Variants in ANKRD28 observed in about 807,000 individuals in gnomAD.
ANKRD28 encodes ankyrin repeat domain 28.
In ANKRD28, 44 loss-of-function variants were observed where a neutral mutation model predicts 126.5. The ratio of observed to expected loss-of-function variants is 0.35; its 90% CI spans 0.27 to 0.45. The LOEUF (loss-of-function observed/expected upper bound fraction) is 0.45. ANKRD28 is among the 20% of genes least tolerant of loss of function. ANKRD28 has a pLI of 1.00. For missense variants in ANKRD28, 1,110 were observed against 1,316.6 expected (o/e 0.84, Z 2.43); for synonymous variants, 442 against 468.5 (o/e 0.94, Z 0.73).
rs1440887950 is a variant in ANKRD28, at chr3:15,678,467, A to G, written c.2562-113T>C. ...TTAAGGGTTTACATATTAGGCTACA[A>G]AAGCACTGCCTGTACACAAACAAAT... On this transcript the variant is annotated intron_variant, in intron 23 of 27. Transcript: ENST00000683139. 7.4e-6 allele frequency: 7 copies of G among 950,022 alleles called. No individual in the cohort carries two copies. The East Asian group carries it at 1.6e-4, about 22-fold the overall frequency. 58.8% of individuals were successfully genotyped at this position (950,022 alleles called of 1,614,324 possible).
chr3:15,836,996 A>G (rs970554854), intron 1 of ANKRD28, among the ~76,000 whole-genome samples: 8 of 150,780 alleles, frequency 5.3e-5, no homozygotes, highest in African/African-American at 1.9e-4. Context: ...GCTACTTGGG[A>G]GGCTGAGGCA....
At chr3:15,852,616 G>A (rs941967497) in intron 1 of ANKRD28, among the ~76,000 whole-genome samples, 3 of 151,880 alleles carry the variant, frequency 2.0e-5, no homozygotes, top group East Asian at 1.9e-4. Flanking sequence ...GGCGGATCAC[G>A]AGGTCAGGAG....
At chr3:15,762,224 A>AAAAAAAAAAAAAAAAAAAAAAC (rs2058521761) in intron 3 of ANKRD28, among the ~76,000 whole-genome samples, 1 of 107,650 alleles carries the variant, frequency 9.3e-6, no homozygotes, top group African/African-American at 3.4e-5. Context: ...CAAAACAAAA[A>AAAAAAAAAAAAAAAAAAAAAAC]AAAAAAAACT....
chr3:15,777,918 C>T (rs1023350573), intron 2 of ANKRD28, among the ~76,000 whole-genome samples: 11 of 145,974 alleles, frequency 7.5e-5, no homozygotes, highest in Non-Finnish European at 1.2e-4. Context: ...TCCGCCCTAG[C>T]CCCGTCAATA....
chr3:15,824,408 G>A (rs1326216065), intron 1 of ANKRD28, among the ~76,000 whole-genome samples: 1 of 151,986 alleles, frequency 6.6e-6, no homozygotes, highest in Non-Finnish European at 1.5e-5. Context: ...TGCCTGCCTC[G>A]GCCTCCCATA....
chr3:15,694,371 G>A (rs1425773005), intron 17 of ANKRD28, among the ~76,000 whole-genome samples: 2 of 152,136 alleles, frequency 1.3e-5, no homozygotes, highest in Non-Finnish European at 2.9e-5. Context: ...CACAGAATGT[G>A]TGTGTATACC....
chr3:15,787,274 G>C (rs1451697816), intron 2 of ANKRD28, among the ~76,000 whole-genome samples: 2 of 152,120 alleles, frequency 1.3e-5, no homozygotes, highest in Middle Eastern at 3.2e-3. Context: ...GGTTCCAGTG[G>C]ATAATACCTT....
At position 15,797,569 on chromosome 3, in the gene ANKRD28, A is replaced by AGG. The variant is rs796262225; in HGVS notation, c.-1050_-1049dup. 75 of 981,118 alleles carry AGG rather than the reference A, an allele frequency of 7.6e-5. No individual in the cohort carries two copies. Among genetic ancestry groups the AGG allele is most frequent in the Admixed American group, 1.9e-4 (3 of 16,050 alleles). The allele number at this position is 981,118 out of a possible 1,614,324, so 60.8% of individuals were successfully genotyped here. A position where few individuals can be genotyped will look rare whatever the true frequency, so the allele number is the denominator to read the frequency against. On this transcript the variant is annotated 5_prime_UTR_variant, in exon 1 of 28. It removes the in-frame stop codon of an upstream open reading frame in the 5' UTR. Transcript: ENST00000683139. Reference sequence around the variant, plus strand: ...CTTTTTGTTTTCTTTAAAAAAAAAAAGGGGGGGGAAAAACATAGTAGTGTA... The same window carrying AGG: ...CTTTTTGTTTTCTTTAAAAAAAAAAAGGGGGGGGGGAAAAACATAGTAGTGTA...
rs550701576 is a variant in ANKRD28, at chr3:15,706,602, C to A, written c.1547+1322G>T. 1.6e-4 allele frequency among the ~76,000 whole-genome samples: 24 copies of A among 152,190 alleles called. No individual in the cohort carries two copies. In the East Asian group the frequency reaches 4.6e-3, roughly 29 times the overall value. On this transcript the variant is annotated intron_variant, in intron 14 of 27. Coordinates refer to ENST00000683139, the MANE Select transcript of ANKRD28 (RefSeq NM_001349278.2). ...TGATTTATAATCCTTTGGGTATATA[C>A]CCAGTAATGGGATGGCTGGGTCAAA...
At chr3:15,713,494 G>A (rs1360596536) in intron 10 of ANKRD28, 33 bp downstream of exon 10, 1 of 1,535,652 alleles carries the variant, frequency 6.5e-7, no homozygotes, top group Non-Finnish European at 8.9e-7. Flanking sequence ...GTGCTTGCCT[G>A]TATCAGTTAT....
At position 15,713,418 on chromosome 3, in the gene ANKRD28, C is replaced by A. The variant is rs2072588576; in HGVS notation, c.1190+109G>T. 4 of 798,754 alleles carry A rather than the reference C, an allele frequency of 5.0e-6. No homozygotes were observed. In the Admixed American group the frequency reaches 8.4e-5, roughly 17 times the overall value. 49.5% of individuals were successfully genotyped at this position (798,754 alleles called of 1,614,324 possible). On this transcript the variant is annotated intron_variant, in intron 10 of 27. Coordinates refer to ENST00000683139, the MANE Select transcript of ANKRD28 (RefSeq NM_001349278.2). ...CAAAAGAAAGTTCAAGCAATTAATACAACATTGAGGATAAAATCCACATTT... is the reference window on the plus strand; with the variant it reads ...CAAAAGAAAGTTCAAGCAATTAATAAAACATTGAGGATAAAATCCACATTT...
rs1194347494 is a variant in ANKRD28, at chr3:15,735,464, T to C, written c.586A>G (p.Ile196Val). 12 of 1,559,596 alleles carry C rather than the reference T, an allele frequency of 7.7e-6. No homozygotes were observed. Among genetic ancestry groups the C allele is most frequent in the African/African-American group, 1.4e-5 (1 of 73,602 alleles). ...CTATCTTTCTTGTCAAAAGCATTAA[T>C]ATTGGCACCTCTAGACAAGAGTAGT... The part of the protein sequence containing the change: ...VKLLLSRGAN[I>V]NAFDKKDRRA... Residue 196 changes from isoleucine (I) to valine (V), a missense_variant, in exon 6 of 28, where the codon ATT (isoleucine) becomes GTT (valine). Physicochemically the swap from Ile to Val is conservative, Grantham distance 29. Transcript: ENST00000683139.
intron 2 of ANKRD28, among the ~76,000 whole-genome samples, chr3:15,775,766 C>A (rs2059234959): frequency 1.3e-5 from 2 of 152,194 alleles, no homozygotes; most frequent in South Asian, 2.1e-4. Flanking sequence ...GGGTGCACCA[C>A]CCTCCAGGAA....
intron 1 of ANKRD28, among the ~76,000 whole-genome samples, chr3:15,851,246 T>C (rs910137735): frequency 1.3e-5 from 2 of 152,072 alleles, no homozygotes; most frequent in Non-Finnish European, 2.9e-5. Context: ...AAGATACTAC[T>C]TCATGACTGG....
chr3:15,756,900 A>G (rs1319801180), intron 3 of ANKRD28, among the ~76,000 whole-genome samples: 1 of 152,156 alleles, frequency 6.6e-6, no homozygotes, highest in Non-Finnish European at 1.5e-5. Context: ...TGGTCACTAA[A>G]TTCTTCCAAT....
At chr3:15,763,480 G>A (rs749339960) in intron 3 of ANKRD28, among the ~76,000 whole-genome samples, 22 of 152,174 alleles carry the variant, frequency 1.4e-4, no homozygotes, top group Non-Finnish European at 2.9e-4. Flanking sequence ...CATTCTGGAG[G>A]AGATAAAACG....
chr3:15,680,021 G>A (rs2067372484), intron 21 of ANKRD28, among the ~76,000 whole-genome samples: 1 of 151,988 alleles, frequency 6.6e-6, no homozygotes, highest in Non-Finnish European at 1.5e-5. Flanking sequence ...TTTCTATAAG[G>A]GACTTGAGCG....
chr3:15,820,524 T>C (rs1380436464), intron 1 of ANKRD28, among the ~76,000 whole-genome samples: 1 of 152,188 alleles, frequency 6.6e-6, no homozygotes, highest in Non-Finnish European at 1.5e-5. Context: ...GGGAACGTAG[T>C]AGAGAAAGAG....
At chr3:15,723,547 C>T (rs1465613932) in intron 7 of ANKRD28, among the ~76,000 whole-genome samples, 1 of 152,110 alleles carries the variant, frequency 6.6e-6, no homozygotes, top group Non-Finnish European at 1.5e-5. Context: ...AATTCCAGCA[C>T]TTTGGGAGAC....
Sources: gnomAD v4.1 joint callset for allele counts (sites outside exome capture counted in the v4.1 genomes callset) on GRCh38, gnomAD v4.1.1 for gene constraint, MANE v1.5 for transcripts, NCBI Gene and HGNC (gene_info 2026-07-23, HGNC 2026-07-21) for gene names.